The following LUZP2 variants were observed in gnomAD, a reference collection of about 807,000 sequenced individuals.
LUZP2 encodes the protein leucine zipper protein 2.
In LUZP2, 52 loss-of-function variants were observed where a neutral mutation model predicts 51.6. That is an observed-to-expected ratio of 1.01 (90% CI 0.81 to 1.27). The LOEUF (loss-of-function observed/expected upper bound fraction) is 1.27, where lower values mean the gene tolerates loss of function less well. Among genes scored for constraint, LUZP2 ranks in the 50% most tolerant of loss-of-function variants. The pLI, the probability that LUZP2 is intolerant of heterozygous loss-of-function variation, is 0.00. For missense variants in LUZP2, 436 were observed against 395.4 expected (o/e 1.10, Z -0.87); for synonymous variants, 154 against 137.3 (o/e 1.12, Z -0.85).
At chr11:24,520,504 C>T (rs184163194) in intron 1 of LUZP2, among the ~76,000 whole-genome samples, 1 of 152,192 alleles carries the variant, frequency 6.6e-6, no homozygotes, top group African/African-American at 2.4e-5. Context: ...ACAGAAGAAT[C>T]TTCTCATGTA....
chr11:24,599,263 G>A (rs1853544555), intron 1 of LUZP2, among the ~76,000 whole-genome samples: 1 of 152,202 alleles, frequency 6.6e-6, no homozygotes, highest in South Asian at 2.1e-4. Context: ...CCAGGAAGAT[G>A]ATTTGTTATA....
At chr11:24,674,819 A>C (rs1283302621) in intron 1 of LUZP2, among the ~76,000 whole-genome samples, 1 of 152,218 alleles carries the variant, frequency 6.6e-6, no homozygotes, top group Non-Finnish European at 1.5e-5. Context: ...TGTAATATGA[A>C]ATGGCATTTC....
At chr11:24,567,623 CAGA>C (rs1296297447) in intron 1 of LUZP2, among the ~76,000 whole-genome samples, 3 of 151,900 alleles carry the variant, frequency 2.0e-5, no homozygotes, top group Admixed American at 6.6e-5. Context: ...ATAAGATTAA[CAGA>C]AGAAGACTTC....
chr11:24,560,607 T>C (rs898871608), intron 1 of LUZP2, among the ~76,000 whole-genome samples: 2 of 152,144 alleles, frequency 1.3e-5, no homozygotes, highest in Non-Finnish European at 2.9e-5. Flanking sequence ...TACAGAGTTC[T>C]TTGCCCCATC....
intron 1 of LUZP2, among the ~76,000 whole-genome samples, chr11:24,649,230 G>A (rs914109893): frequency 1.3e-5 from 2 of 151,972 alleles, no homozygotes; most frequent in Non-Finnish European, 2.9e-5. Context: ...AGTAGAATTT[G>A]TCCCATAAAT....
At chr11:24,876,929 G>T (rs189063243) in intron 5 of LUZP2, among the ~76,000 whole-genome samples, 2 of 152,044 alleles carry the variant, frequency 1.3e-5, no homozygotes, top group Non-Finnish European at 2.9e-5. Context: ...GAAGGGGTCT[G>T]GTTCTTAACA....
At chr11:24,739,882 C>T (rs537023354) in intron 4 of LUZP2, among the ~76,000 whole-genome samples, 1 of 152,196 alleles carries the variant, frequency 6.6e-6, no homozygotes, top group African/African-American at 2.4e-5. Flanking sequence ...TGCTATGCCA[C>T]GGCAACTCTC....
intron 10 of LUZP2, among the ~76,000 whole-genome samples, chr11:25,068,158 G>T (rs186980775): frequency 6.6e-6 from 1 of 151,922 alleles, no homozygotes; most frequent in Admixed American, 6.6e-5. Context: ...CACACTGGGG[G>T]CCTGTTGGGG....
At chr11:24,910,117 T>C (rs1853577257) in intron 6 of LUZP2, among the ~76,000 whole-genome samples, 1 of 152,094 alleles carries the variant, frequency 6.6e-6, no homozygotes, top group Admixed American at 6.6e-5. Context: ...GCCCCTGCCC[T>C]AGAGTTCTGT....
At chr11:24,696,982 G>A (rs1295405201) in intron 1 of LUZP2, among the ~76,000 whole-genome samples, 5 of 151,910 alleles carry the variant, frequency 3.3e-5, no homozygotes, top group Non-Finnish European at 7.4e-5. Context: ...TGTTACCTTG[G>A]GTTTGGTAAA....
intron 1 of LUZP2, among the ~76,000 whole-genome samples, chr11:24,647,302 C>T (rs891683181): frequency 4.6e-5 from 7 of 151,398 alleles, no homozygotes; most frequent in Non-Finnish European, 7.4e-5. Context: ...TAAATTGGTA[C>T]AGAATGTATT....
intron 5 of LUZP2, among the ~76,000 whole-genome samples, chr11:24,890,336 T>C (rs1852806006): frequency 6.6e-6 from 1 of 152,152 alleles, no homozygotes; most frequent in South Asian, 2.1e-4. Context: ...AAGAAGTACA[T>C]GACAATAATA....
intron 9 of LUZP2, among the ~76,000 whole-genome samples, chr11:25,035,395 C>T (rs1857823594): frequency 1.3e-5 from 2 of 151,928 alleles, no homozygotes; most frequent in South Asian, 2.1e-4. Flanking sequence ...TCAACAATGT[C>T]CAGGCTGAGA....
At chr11:24,796,239 G>A (rs1344626076) in intron 5 of LUZP2, among the ~76,000 whole-genome samples, 1 of 151,992 alleles carries the variant, frequency 6.6e-6, no homozygotes, top group Non-Finnish European at 1.5e-5. Context: ...TGCAAAGCAA[G>A]TTCTATTCTT....
chr11:24,869,747 C>T (rs1453326839), intron 5 of LUZP2, among the ~76,000 whole-genome samples: 3 of 152,062 alleles, frequency 2.0e-5, no homozygotes, highest in East Asian at 1.9e-4. Flanking sequence ...TGCCCCATCT[C>T]GCTCCCTCTC....
rs193047950 is a variant in LUZP2 at position 24,537,733 on chromosome 11, T to A, written c.62+40428T>A. Among the ~76,000 whole-genome samples, 27 of 151,692 alleles carry A rather than the reference T, an allele frequency of 1.8e-4. No individual in the cohort carries two copies. The East Asian group carries it at 5.3e-3, about 30-fold the overall frequency. ...AACTAAAGTGAAAAGCCTTTTACAATTTTTTACGGATACCTTTTGCATATA... is the reference window on the plus strand; with the variant it reads ...AACTAAAGTGAAAAGCCTTTTACAAATTTTTACGGATACCTTTTGCATATA... On this transcript the variant is annotated intron_variant, in intron 1 of 11. Transcript: ENST00000336930.
intron 1 of LUZP2, among the ~76,000 whole-genome samples, chr11:24,580,085 G>C (rs1852795059): frequency 6.6e-6 from 1 of 151,944 alleles, no homozygotes; most frequent in South Asian, 2.1e-4. Flanking sequence ...AGTAGTACAG[G>C]ATATTCTAGT....
At position 24,633,960 on chromosome 11, in the gene LUZP2, G is replaced by GTA. The variant is rs766684338; in HGVS notation, c.63-95208_63-95207insAT. Among the ~76,000 whole-genome samples, 703 of 135,728 alleles carry GTA rather than the reference G, an allele frequency of 5.2e-3. 7 individuals are homozygous for GTA. The highest frequency in any genetic ancestry group is 0.017 in the African/African-American group (663 of 40,142). The allele number at this position is 135,728 out of a possible 152,430, so 89.0% of individuals were successfully genotyped here. A position where few individuals can be genotyped will look rare whatever the true frequency, so the allele number is the denominator to read the frequency against. On this transcript the variant is annotated intron_variant, in intron 1 of 11. Coordinates refer to ENST00000336930, the MANE Select transcript of LUZP2 (RefSeq NM_001009909.4). ...CACACGTGTGTGTGTGTGTGTGTGTGTGTGTATATATAGTCTGTCTATTAA... is the reference window on the plus strand; with the variant it reads ...CACACGTGTGTGTGTGTGTGTGTGTGTATGTGTATATATAGTCTGTCTATTAA...
At chr11:24,582,579 A>T (rs987534005) in intron 1 of LUZP2, among the ~76,000 whole-genome samples, 7 of 152,028 alleles carry the variant, frequency 4.6e-5, no homozygotes, top group Non-Finnish European at 1.0e-4. Context: ...AAGTTTTTTC[A>T]TATAATAGGA....
Sources: allele counts gnomAD v4.1 joint callset (sites outside exome capture counted in the v4.1 genomes callset), GRCh38; gene constraint gnomAD v4.1.1; transcripts MANE v1.5; gene names NCBI Gene and HGNC (gene_info 2026-07-23, HGNC 2026-07-21).